Variants in EBF1 observed in about 807,000 individuals in gnomAD.
EBF1 encodes the protein EBF transcription factor 1.
Under a neutral mutation model 68.4 loss-of-function variants are expected in EBF1, and 10 were observed. That is an observed-to-expected ratio of 0.15 (90% CI 0.09 to 0.25). The LOEUF (loss-of-function observed/expected upper bound fraction) is 0.25, where lower values mean the gene tolerates loss of function less well. EBF1 is among the 10% of genes least tolerant of loss of function. The pLI is 1.00. For missense variants in EBF1, 509 were observed against 794.4 expected (o/e 0.64, Z 4.32); for synonymous variants, 298 against 299.8 (o/e 0.99, Z 0.06).
chr5:159,099,526 T>TAA lies in EBF1; in HGVS notation c.-50_-49dup, dbSNP rs5872586. The TAA allele has an allele frequency of 2.3e-3, 2,558 of 1,102,148 alleles. No individual in the cohort carries two copies. The highest frequency in any genetic ancestry group is 0.014 in the East Asian group (418 of 30,484). 68.3% of individuals were successfully genotyped at this position (1,102,148 alleles called of 1,614,324 possible). On this transcript the variant is annotated 5_prime_UTR_variant, in exon 1 of 16. Coordinates refer to ENST00000313708, the MANE Select transcript of EBF1 (RefSeq NM_024007.5). ...AAATCTCCTCCCCCTTGAAAAAAATTAAAAAAAAAAAAAAAGGAAAGAAAA... is the reference window on the plus strand; with the variant it reads ...AAATCTCCTCCCCCTTGAAAAAAATTAAAAAAAAAAAAAAAAAGGAAAGAAAA...
intron 6 of EBF1, among the ~76,000 whole-genome samples, chr5:158,840,907 G>A (rs1409750191): frequency 4.0e-5 from 6 of 151,580 alleles, no homozygotes; most frequent in Non-Finnish European, 8.8e-5. Flanking sequence ...TCCTGACCTC[G>A]TGATCCGCCC....
At chr5:159,064,162 G>GTA (rs1438571326) in intron 6 of EBF1, among the ~76,000 whole-genome samples, 1 of 152,024 alleles carries the variant, frequency 6.6e-6, no homozygotes, top group Non-Finnish European at 1.5e-5. Flanking sequence ...ATATGTGTGT[G>GTA]TATATATATG....
intron 6 of EBF1, among the ~76,000 whole-genome samples, chr5:158,848,864 C>A (rs1350811324): frequency 1.3e-5 from 2 of 152,174 alleles, no homozygotes; most frequent in Non-Finnish European, 2.9e-5. Context: ...AGAGAGAGAT[C>A]AAGAAGTTCA....
chr5:159,019,046 C>T (rs1046577106), intron 6 of EBF1: 2 of 152,202 alleles, frequency 1.3e-5, no homozygotes, highest in Non-Finnish European at 2.9e-5. Flanking sequence ...CTTCTCCAAT[C>T]ATTGTAAGTC....
intron 3 of EBF1, chr5:159,096,110 G>A (rs1269697985): frequency 1.0e-5 from 6 of 582,750 alleles, no homozygotes; most frequent in South Asian, 2.1e-5. Flanking sequence ...GCTCAGGGAG[G>A]GATGAGGCAC....
At chr5:159,048,325 C>T (rs531713265) in intron 6 of EBF1, among the ~76,000 whole-genome samples, 6 of 152,316 alleles carry the variant, frequency 3.9e-5, no homozygotes, top group Non-Finnish European at 8.8e-5. Context: ...GCATCTGGTG[C>T]CTACCTCACA....
In EBF1 at chr5:158,733,488, T is replaced by C. The variant is rs182728890; in HGVS notation, c.1037-2331A>G. ...GCTATATGGCCAGCTCACAGAGGAA[T>C]GACCGACAATATCAGCAATTAAAAG... On this transcript the variant is annotated intron_variant, in intron 10 of 15. Coordinates refer to ENST00000313708, the MANE Select transcript of EBF1 (RefSeq NM_024007.5). Among the ~76,000 whole-genome samples, 191 of 152,200 alleles carry C rather than the reference T, an allele frequency of 1.3e-3. 1 individual carries two copies. Among genetic ancestry groups the C allele is most frequent in the East Asian group, 1.3e-3 (7 of 5,190 alleles).
chr5:158,741,137 C>G (rs1454687169), intron 10 of EBF1, among the ~76,000 whole-genome samples: 1 of 152,182 alleles, frequency 6.6e-6, no homozygotes, highest in Admixed American at 6.5e-5. Context: ...CTGGTGGGCA[C>G]CACACAACTT....
chr5:159,098,232 C>T (rs974750582), intron 1 of EBF1, among the ~76,000 whole-genome samples: 2 of 152,244 alleles, frequency 1.3e-5, no homozygotes, highest in South Asian at 2.1e-4. Flanking sequence ...TCACTTGGGA[C>T]CAGGAGCCTG....
intron 6 of EBF1, among the ~76,000 whole-genome samples, chr5:159,041,098 A>G (rs17056474): frequency 1.6e-4 from 24 of 152,142 alleles, no homozygotes; most frequent in Non-Finnish European, 2.5e-4. Context: ...AGTTCAGTAC[A>G]CCACAATTTG....
rs116443508 is a variant in EBF1 at position 158,942,987 on chromosome 5, G to A, written c.555-102877C>T. On this transcript the variant is annotated intron_variant, in intron 6 of 15. Coordinates refer to ENST00000313708, the MANE Select transcript of EBF1 (RefSeq NM_024007.5). Reference sequence around the variant, plus strand: ...AGGGGGAAGGAGGGAAGGAGGAAGAGAGGAAGGGAGGAAGGGAGGAAAGGA... The same window carrying A: ...AGGGGGAAGGAGGGAAGGAGGAAGAAAGGAAGGGAGGAAGGGAGGAAAGGA... 6.1e-3 allele frequency among the ~76,000 whole-genome samples: 756 copies of A among 123,224 alleles called. 10 individuals are homozygous for A. Among genetic ancestry groups the A allele is most frequent in the African/African-American group, 0.022 (723 of 32,772 alleles). 80.8% of individuals were successfully genotyped at this position (123,224 alleles called of 152,430 possible). A position where few individuals can be genotyped will look rare whatever the true frequency, so the allele number is the denominator to read the frequency against.
intron 6 of EBF1, among the ~76,000 whole-genome samples, chr5:159,047,238 A>G (rs1401420270): frequency 1.3e-5 from 2 of 152,200 alleles, no homozygotes; most frequent in Non-Finnish European, 2.9e-5. Flanking sequence ...CTCAGAGAGG[A>G]AGGAATGTCC....
intron 6 of EBF1, among the ~76,000 whole-genome samples, chr5:158,912,603 G>A (rs570112583): frequency 6.6e-5 from 10 of 152,284 alleles, no homozygotes; most frequent in South Asian, 6.2e-4. Context: ...ACTCTCAGGC[G>A]ATTCTGACGA....
intron 6 of EBF1, among the ~76,000 whole-genome samples, chr5:158,841,320 C>T (rs1211666650): frequency 6.6e-6 from 1 of 152,154 alleles, no homozygotes; most frequent in African/African-American, 2.4e-5. Context: ...CATATTGGGG[C>T]ATTCATGTCT....
chr5:158,981,171 T>C (rs1206432180), intron 6 of EBF1, among the ~76,000 whole-genome samples: 2 of 148,758 alleles, frequency 1.3e-5, no homozygotes, highest in Admixed American at 1.3e-4. Context: ...AAAAAAAAAC[T>C]GACTATAATA....
chr5:159,064,757 T>C (rs1224300921), intron 6 of EBF1, among the ~76,000 whole-genome samples: 1 of 152,188 alleles, frequency 6.6e-6, no homozygotes, highest in Non-Finnish European at 1.5e-5. Context: ...AATCTGGCTT[T>C]AGGAAAACAA....
At chr5:159,006,034 C>T (rs1763478287) in intron 6 of EBF1, among the ~76,000 whole-genome samples, 1 of 152,162 alleles carries the variant, frequency 6.6e-6, no homozygotes, top group South Asian at 2.1e-4. Flanking sequence ...AACTTCCTGA[C>T]CTCTCTCATC....
intron 9 of EBF1, among the ~76,000 whole-genome samples, chr5:158,791,088 A>G (rs982848752): frequency 6.6e-6 from 1 of 152,136 alleles, no homozygotes; most frequent in Admixed American, 6.5e-5. Context: ...CGGGAGGCTG[A>G]GGCGGGCAGA....
intron 6 of EBF1, among the ~76,000 whole-genome samples, chr5:158,946,448 T>C (rs1814733060): frequency 6.6e-6 from 1 of 152,224 alleles, no homozygotes; most frequent in South Asian, 2.1e-4. Context: ...GCCCCTCTTC[T>C]GCAGGTCTGC....
Sources: allele counts gnomAD v4.1 joint callset (sites outside exome capture counted in the v4.1 genomes callset), GRCh38; gene constraint gnomAD v4.1.1; transcripts MANE v1.5; gene names NCBI Gene and HGNC (gene_info 2026-07-23, HGNC 2026-07-21).